The following TNIK variants were observed in gnomAD, a reference collection of about 807,000 sequenced individuals.
TNIK encodes TRAF2 and NCK interacting kinase.
In TNIK, 49 loss-of-function variants were observed where a neutral mutation model predicts 191.3. That is an observed-to-expected ratio of 0.26 (90% CI 0.20 to 0.32). The LOEUF (loss-of-function observed/expected upper bound fraction) is 0.32. Among genes scored for constraint, TNIK ranks in the 10% least tolerant of loss-of-function variants. The probability of loss-of-function intolerance (pLI) is 1.00; values close to 1 mark genes in which losing one functional copy is unlikely to be tolerated. For missense variants in TNIK, 1,155 were observed against 1,702.3 expected (o/e 0.68, Z 5.66); for synonymous variants, 594 against 600.9 (o/e 0.99, Z 0.17).
chr3:171,437,863 C>A (rs540923852), intron 1 of TNIK, among the ~76,000 whole-genome samples: 1 of 152,344 alleles, frequency 6.6e-6, no homozygotes, highest in East Asian at 1.9e-4. Flanking sequence ...TGAGGGCCTA[C>A]AATGTGCCAC....
intron 2 of TNIK, among the ~76,000 whole-genome samples, chr3:171,358,134 A>G (rs566731704): frequency 6.6e-6 from 1 of 152,236 alleles, no homozygotes; most frequent in Non-Finnish European, 1.5e-5. Context: ...CTGCTTTAAA[A>G]AATAGTTGAT....
chr3:171,313,518 T>G (rs1264209272), intron 2 of TNIK, among the ~76,000 whole-genome samples: 1 of 152,188 alleles, frequency 6.6e-6, no homozygotes, highest in Non-Finnish European at 1.5e-5. Flanking sequence ...CATTAGACAG[T>G]TGTTACATAA....
chr3:171,173,052 G>T (rs897570593), intron 9 of TNIK, among the ~76,000 whole-genome samples: 3 of 151,942 alleles, frequency 2.0e-5, no homozygotes, highest in Admixed American at 2.0e-4. Flanking sequence ...GGTCAGGTAG[G>T]TCACAAAAAG....
chr3:171,411,815 C>A (rs370041690), intron 1 of TNIK, among the ~76,000 whole-genome samples: 2 of 152,108 alleles, frequency 1.3e-5, no homozygotes, highest in African/African-American at 4.8e-5. Context: ...GAAATTACAC[C>A]GAAGCTGATC....
rs118094004 is a variant in TNIK, at chr3:171,321,760, A to G, written c.123+47860T>C. Among the ~76,000 whole-genome samples the G allele has an allele frequency of 3.9e-5, 6 of 152,328 alleles. No individual in the cohort carries two copies. The East Asian group carries it at 1.2e-3, about 29-fold the overall frequency. On this transcript the variant is annotated intron_variant, in intron 2 of 32. Transcript: ENST00000436636. ...AATGATAGAAAGTAGCGAGATATGA[A>G]ATAACTGACAAATAGAACCAAATAT...
intron 16 of TNIK, 70 bp from the exon 17 acceptor site, chr3:171,126,221 C>T: frequency 7.2e-7 from 1 of 1,398,510 alleles, no homozygotes; most frequent in South Asian, 1.8e-5. Context: ...CCTCAGTGAG[C>T]TGAAGGAAAA....
intron 1 of TNIK, among the ~76,000 whole-genome samples, chr3:171,438,481 C>CTGGTGAA (rs1726319729): frequency 6.6e-6 from 1 of 152,218 alleles, no homozygotes; most frequent in Non-Finnish European, 1.5e-5. Context: ...AAGACACGTC[C>CTGGTGAA]TGGTGAATTA....
chr3:171,371,750 T>C (rs1361666117), intron 1 of TNIK, among the ~76,000 whole-genome samples: 1 of 151,542 alleles, frequency 6.6e-6, no homozygotes, highest in African/African-American at 2.4e-5. Flanking sequence ...TTATTACAAA[T>C]GGAATTAGAA....
At chr3:171,291,318 C>A (rs1042040784) in intron 2 of TNIK, among the ~76,000 whole-genome samples, 5 of 152,124 alleles carry the variant, frequency 3.3e-5, no homozygotes, top group African/African-American at 1.2e-4. Flanking sequence ...CAGATATCTG[C>A]CATTTCTGAT....
chr3:171,428,938 C>T (rs1170631751), intron 1 of TNIK, among the ~76,000 whole-genome samples: 1 of 152,204 alleles, frequency 6.6e-6, no homozygotes. Flanking sequence ...ACCTTACACT[C>T]ATAGTCTTTA....
Position 171,453,082 on chromosome 3 carries a change from T to C in TNIK, c.57+6925A>G, listed in dbSNP as rs1299272431. 2.6e-5 allele frequency among the ~76,000 whole-genome samples: 4 copies of C among 152,212 alleles called. No homozygotes were observed. The South Asian group carries it at 8.3e-4, about 32-fold the overall frequency. Reference sequence around the variant, plus strand: ...CTTTCTGAGGTTTCTATACTCTCTCTACATAGCACCACCTCCAGCCCTTCT... The same window carrying C: ...CTTTCTGAGGTTTCTATACTCTCTCCACATAGCACCACCTCCAGCCCTTCT... On this transcript the variant is annotated intron_variant, in intron 1 of 32. Transcript: ENST00000436636.
chr3:171,383,143 G>A (rs1218707408), intron 1 of TNIK, among the ~76,000 whole-genome samples: 1 of 152,118 alleles, frequency 6.6e-6, no homozygotes, highest in African/African-American at 2.4e-5. Flanking sequence ...ATATCTGAAG[G>A]CAGCTCCCAG....
intron 2 of TNIK, among the ~76,000 whole-genome samples, chr3:171,297,504 G>A (rs751788848): frequency 5.9e-5 from 9 of 152,106 alleles, no homozygotes; most frequent in Non-Finnish European, 8.8e-5. Context: ...ACATGATAAC[G>A]TCAAAATTGT....
At chr3:171,329,152 T>C (rs572526116) in intron 2 of TNIK, among the ~76,000 whole-genome samples, 2 of 152,256 alleles carry the variant, frequency 1.3e-5, no homozygotes, top group South Asian at 4.1e-4. Flanking sequence ...GTAGCTTCAC[T>C]ATCTGACACG....
At chr3:171,451,154 C>T (rs979169927) in intron 1 of TNIK, among the ~76,000 whole-genome samples, 8 of 152,168 alleles carry the variant, frequency 5.3e-5, no homozygotes, top group Middle Eastern at 3.2e-3. Context: ...CAGGGTATTG[C>T]AGAAATGATG....
In TNIK at chr3:171,125,942, C is replaced by A. The variant is rs1486158848; in HGVS notation, c.1983G>T (p.Trp661Cys). 3.7e-6 allele frequency: 6 copies of A among 1,613,942 alleles called. No individual in the cohort carries two copies. The highest frequency in any genetic ancestry group is 4.2e-6 in the Non-Finnish European group (5 of 1,179,880). Residue 661 changes from tryptophan to cysteine, a missense_variant, in exon 17 of 33, where the codon TGG (tryptophan) becomes TGT (cysteine). Physicochemically the swap from Trp to Cys is radical, Grantham distance 215. Around this residue, in one of 3 missense-constraint regions of TNIK, gnomAD observed 735 missense variants for 848.0 expected, o/e 0.87. Coordinates refer to ENST00000436636, the MANE Select transcript of TNIK (RefSeq NM_015028.4). ...TRIEKFDRSS[W>C]LRQEEDIPPK... is the part of the protein sequence containing the mutation. ...GTGGAATGTCTTCTTCCTGTCGTAA[C>A]CAAGAGCTTCGGTCAAACTTTTCAA...
intron 15 of TNIK, among the ~76,000 whole-genome samples, chr3:171,136,594 C>A (rs1001655904): frequency 3.9e-5 from 6 of 152,196 alleles, no homozygotes; most frequent in African/African-American, 1.4e-4. Context: ...GAGTCTTGGT[C>A]TGGAATCATT....
Position 171,292,552 on chromosome 3 carries a change from G to A in TNIK, c.124-64331C>T, listed in dbSNP as rs554983321. ...AGCACTTTGGGAGGCCCAGGCGGGCGGAACATGAGGTCAGGAGCTCAAGAC... is the reference window on the plus strand; with the variant it reads ...AGCACTTTGGGAGGCCCAGGCGGGCAGAACATGAGGTCAGGAGCTCAAGAC... On this transcript the variant is annotated intron_variant, in intron 2 of 32. Coordinates refer to ENST00000436636, the MANE Select transcript of TNIK (RefSeq NM_015028.4). 2.0e-5 allele frequency among the ~76,000 whole-genome samples: 3 copies of A among 152,192 alleles called. No individual in the cohort carries two copies. The South Asian group carries it at 6.2e-4, about 32-fold the overall frequency.
intron 7 of TNIK, among the ~76,000 whole-genome samples, chr3:171,182,454 G>T (rs1470126548): frequency 6.6e-6 from 1 of 152,176 alleles, no homozygotes; most frequent in Admixed American, 6.5e-5. Flanking sequence ...GATGAGGAAA[G>T]AGTCAGAAAG....
Sources: allele counts gnomAD v4.1 joint callset (sites outside exome capture counted in the v4.1 genomes callset), GRCh38; gene constraint gnomAD v4.1.1; regional missense constraint gnomAD v4.1.1; transcripts MANE v1.5; gene names NCBI Gene and HGNC (gene_info 2026-07-23, HGNC 2026-07-21).